QSOX2: variants seen among roughly 807,000 people sequenced by gnomAD.
QSOX2 encodes quiescin sulfhydryl oxidase 2.
QSOX2 carries 46 observed loss-of-function variants against 61.7 expected under a neutral mutation model. The ratio of observed to expected loss-of-function variants is 0.75; its 90% CI spans 0.59 to 0.95. The LOEUF (loss-of-function observed/expected upper bound fraction) is 0.95. QSOX2 is among the 40% of genes least tolerant of loss of function. The probability of loss-of-function intolerance (pLI) is 0.00; values close to 1 mark genes in which losing one functional copy is unlikely to be tolerated. For synonymous variants in QSOX2, 383 were observed against 388.4 expected (o/e 0.99, Z 0.16); for missense variants, 879 against 918.9 (o/e 0.96, Z 0.56).
At chr9:136,216,838 G>C in intron 8 of QSOX2, 116 bp from the exon 9 acceptor site, 1 of 1,297,362 alleles carries the variant, frequency 7.7e-7, no homozygotes, top group South Asian at 1.3e-5. Flanking sequence ...GCTGAACCTA[G>C]GATGGGGCCT....
chr9:136,230,932 T>C (rs1226186975), intron 1 of QSOX2, among the ~76,000 whole-genome samples: 1 of 152,206 alleles, frequency 6.6e-6, no homozygotes, highest in Admixed American at 6.5e-5. Flanking sequence ...CTGTTCCTGG[T>C]TGCTTTCCCA....
In QSOX2 at chr9:136,219,503, G is replaced by A. The variant is rs911699924; in HGVS notation, c.822-339C>T. On this transcript the variant is annotated intron_variant, in intron 6 of 11. Coordinates refer to ENST00000358701, the MANE Select transcript of QSOX2 (RefSeq NM_181701.4). ...TTATTCTGACTGCGATTTCCAACAC[G>A]CCTAAGAGCCTTCACCGACGCGCCC... Among the ~76,000 whole-genome samples the A allele has an allele frequency of 5.3e-5, 8 of 152,312 alleles. No individual in the cohort carries two copies. In the East Asian group the frequency reaches 5.8e-4, roughly 11 times the overall value.
intron 1 of QSOX2, among the ~76,000 whole-genome samples, chr9:136,237,569 C>CCCGTCCTGTGCT (rs1830398286): frequency 2.1e-4 from 28 of 130,982 alleles, no homozygotes; most frequent in African/African-American, 5.3e-4. Context: ...CGTCCTGTGG[C>CCCGTCCTGTGCT]GGCGTCACCT....
chr9:136,224,856 C>A lies in QSOX2; in HGVS notation c.478+5G>T, dbSNP rs772487611. The A allele has an allele frequency of 3.4e-5, 53 of 1,581,794 alleles. No individual in the cohort carries two copies. The highest frequency in any genetic ancestry group is 4.4e-5 in the Non-Finnish European group (51 of 1,153,770). On this transcript the variant is annotated splice_donor_5th_base_variant and intron_variant, in intron 3 of 11. Transcript: ENST00000358701. Reference sequence around the variant, plus strand: ...GGGACTAAAATACAATGCTTATGTCCTTACCTTTAAAATTTTCTCCAGTTG... The same window carrying A: ...GGGACTAAAATACAATGCTTATGTCATTACCTTTAAAATTTTCTCCAGTTG...
intron 10 of QSOX2, among the ~76,000 whole-genome samples, chr9:136,213,044 G>A (rs894393577): frequency 2.6e-5 from 4 of 151,956 alleles, no homozygotes; most frequent in African/African-American, 4.8e-5. Flanking sequence ...CAAATACCCC[G>A]GTCACTCAAC....
At chr9:136,235,423 G>A (rs1830372442) in intron 1 of QSOX2, among the ~76,000 whole-genome samples, 1 of 152,230 alleles carries the variant, frequency 6.6e-6, no homozygotes, top group Admixed American at 6.5e-5. Context: ...AACTCAGGCT[G>A]GCAGGGCAGA....
intron 11 of QSOX2, chr9:136,210,680 T>A: frequency 3.0e-6 from 3 of 985,434 alleles, no homozygotes; most frequent in Non-Finnish European, 3.6e-6. Context: ...ACACAGTGGA[T>A]TAAATAAAAA....
rs557898617 is a variant in QSOX2, at chr9:136,223,215, T to C, written c.675+548A>G. On this transcript the variant is annotated intron_variant, in intron 5 of 11. Coordinates refer to ENST00000358701, the MANE Select transcript of QSOX2 (RefSeq NM_181701.4). The surrounding 1 kb of genome is among the most constrained non-coding windows in gnomAD (Gnocchi z 4.4). ...GAACGCATGTGCAGTGAGGCCTTTCTCTCGTCTCCGGGAAGACTGTCAGCA... is the reference window on the plus strand; with the variant it reads ...GAACGCATGTGCAGTGAGGCCTTTCCCTCGTCTCCGGGAAGACTGTCAGCA... 1.3e-5 allele frequency among the ~76,000 whole-genome samples: 2 copies of C among 152,304 alleles called. No homozygotes were observed. The highest frequency in any genetic ancestry group is 2.4e-5 in the African/African-American group (1 of 41,560).
At chr9:136,219,541 C>T (rs1045085782) in intron 6 of QSOX2, among the ~76,000 whole-genome samples, 1 of 152,222 alleles carries the variant, frequency 6.6e-6, no homozygotes, top group African/African-American at 2.4e-5. Context: ...AATCTGCCAG[C>T]CCTGAGTGAG....
At position 136,224,023 on chromosome 9, in the gene QSOX2, G is replaced by T. The variant is rs148593601; in HGVS notation, c.568C>A (p.Arg190Ser). Reference sequence around the variant, plus strand: ...GCTACTCACTGAATGGGGTCTAGGCGCGGGCAGGCAGGGGGCCGGCTTCCT... The same window carrying T: ...GCTACTCACTGAATGGGGTCTAGGCTCGGGCAGGCAGGGGGCCGGCTTCCT... The part of the protein sequence containing the change: ...TEGSRPPACP[R>S]LDPIQPSDVL... Residue 190 changes from arginine (R) to serine (S), a missense_variant, in exon 4 of 12, where the codon CGC (arginine) becomes AGC (serine). Transcript: ENST00000358701. The T allele has an allele frequency of 6.2e-7, 1 of 1,613,864 alleles. No homozygotes were observed. The highest frequency in any genetic ancestry group is 1.7e-5 in the Admixed American group (1 of 60,006).
At chr9:136,245,114 T>A (rs1378115329) in intron 1 of QSOX2, among the ~76,000 whole-genome samples, 8 of 152,070 alleles carry the variant, frequency 5.3e-5, no homozygotes, top group Non-Finnish European at 8.8e-5. Flanking sequence ...GTCAATGAAG[T>A]TCTTGGGGCT....
intron 8 of QSOX2, 134 bp downstream of exon 8, chr9:136,218,545 G>C: frequency 9.2e-7 from 1 of 1,085,216 alleles, no homozygotes; most frequent in Non-Finnish European, 1.3e-6. Flanking sequence ...TGGGGCGTGG[G>C]CCTGGGCGAC....
chr9:136,216,731 G>T lies in QSOX2; in HGVS notation c.1087-9C>A. ...GGCCGTCCAGGGAACAGCTGCATGA[G>T]GAAGGAGCCACCTGAGAGCTACAGA... On this transcript the variant is annotated splice_polypyrimidine_tract_variant and intron_variant, in intron 8 of 11. Transcript: ENST00000358701. The T allele has an allele frequency of 6.2e-7, 1 of 1,612,964 alleles. No homozygotes were observed. Among genetic ancestry groups the T allele is most frequent in the Non-Finnish European group, 8.5e-7 (1 of 1,179,788 alleles).
Position 136,224,851 on chromosome 9 carries a change from A to T in QSOX2, c.478+10T>A. Reference sequence around the variant, plus strand: ...TCTCAGGGACTAAAATACAATGCTTATGTCCTTACCTTTAAAATTTTCTCC... The same window carrying T: ...TCTCAGGGACTAAAATACAATGCTTTTGTCCTTACCTTTAAAATTTTCTCC... On this transcript the variant is annotated intron_variant, in intron 3 of 11. Transcript: ENST00000358701. 6.4e-7 allele frequency: 1 copy of T among 1,571,536 alleles called. No homozygotes were observed. The highest frequency in any genetic ancestry group is 8.7e-7 in the Non-Finnish European group (1 of 1,144,728).
intron 3 of QSOX2, 50 bp from the exon 4 acceptor site, chr9:136,224,162 G>A (rs751326394): frequency 9.6e-6 from 14 of 1,462,946 alleles, no homozygotes; most frequent in Non-Finnish European, 1.3e-5. Context: ...TGTCCTCGTG[G>A]GGCAGGCATA....
At chr9:136,245,336 TG>T (rs1830463023) in intron 1 of QSOX2, 139 bp downstream of exon 1, 2 of 706,978 alleles carry the variant, frequency 2.8e-6, no homozygotes, top group Non-Finnish European at 4.5e-6. Flanking sequence ...GGTGCCTCTG[TG>T]GGGCAGGGAC....
intron 1 of QSOX2, among the ~76,000 whole-genome samples, chr9:136,227,948 C>T (rs1320254698): frequency 6.6e-6 from 1 of 151,816 alleles, no homozygotes; most frequent in African/African-American, 2.4e-5. Context: ...GGAGGCTCCA[C>T]CTTAAGAAAA....
In QSOX2 at chr9:136,226,777, G is replaced by A; in HGVS notation, c.426C>T (p.Phe142=). The A allele has an allele frequency of 1.2e-6, 2 of 1,613,188 alleles. No individual in the cohort carries two copies. The highest frequency in any genetic ancestry group is 1.7e-6 in the Non-Finnish European group (2 of 1,179,104). ...CAAGCAGCCGCGTGATACTCACCCG[G>A]AAGGTGGGGTAGAAGTGGATGTCGT... The part of the protein sequence containing the change: ...HDYDIHFYPT[F]RYFKAFTKEF... Residue 142 remains phenylalanine (F), a synonymous_variant, in exon 2 of 12, where the codon TTC becomes TTT. Coordinates refer to ENST00000358701, the MANE Select transcript of QSOX2 (RefSeq NM_181701.4).
At chr9:136,216,325 C>T (rs994894435) in intron 9 of QSOX2, among the ~76,000 whole-genome samples, 5 of 152,270 alleles carry the variant, frequency 3.3e-5, no homozygotes, top group African/African-American at 1.2e-4. Flanking sequence ...AAAAGCCCAA[C>T]TACTACGTTG....
Sources: gnomAD v4.1 joint callset for allele counts (sites outside exome capture counted in the v4.1 genomes callset) on GRCh38, gnomAD v4.1.1 for gene constraint, Gnocchi (gnomAD v3.1) non-coding constraint, MANE v1.5 for transcripts, NCBI Gene and HGNC (gene_info 2026-07-23, HGNC 2026-07-21) for gene names.